Variants in COL21A1 observed in about 807,000 individuals in gnomAD.
COL21A1 encodes collagen type XXI alpha 1 chain, also known as collagen alpha-1(XXI) chain.
Under a neutral mutation model 137.9 loss-of-function variants are expected in COL21A1, and 149 were observed. That is an observed-to-expected ratio of 1.08 (90% CI 0.95 to 1.24). The LOEUF is 1.24. Among genes scored for constraint, COL21A1 ranks in the 50% most tolerant of loss-of-function variants. COL21A1 has a pLI of 0.00. For missense variants in COL21A1, 1,167 were observed against 1,158.4 expected, an observed-to-expected ratio of 1.01 and a Z score of -0.11; for synonymous variants, 456 against 391.5, an observed-to-expected ratio of 1.16 and a Z score of -1.95.
At chr6:56,263,779 G>C (rs1763336057) in intron 1 of COL21A1, among the ~76,000 whole-genome samples, 1 of 152,158 alleles carries the variant, frequency 6.6e-6, no homozygotes, top group Non-Finnish European at 1.5e-5. Context: ...TTTCTATCAA[G>C]AGAAATGGAA....
At chr6:56,391,347 C>G (rs1253672187) in intron 1 of COL21A1, among the ~76,000 whole-genome samples, 2 of 151,768 alleles carry the variant, frequency 1.3e-5, no homozygotes, top group Non-Finnish European at 2.9e-5. Flanking sequence ...ATCAAAAAAG[C>G]AGAAAAACTT....
chr6:56,228,810 A>G (rs1454850197), intron 1 of COL21A1, among the ~76,000 whole-genome samples: 1 of 151,840 alleles, frequency 6.6e-6, no homozygotes. Flanking sequence ...AATAAAACAA[A>G]TGACTAAAGT....
rs550610824 is a variant in COL21A1, at chr6:56,268,969, A to G, written c.-38-86313T>C. On this transcript the variant is annotated intron_variant, in intron 1 of 28. Transcript: ENST00000370819. ...CTGAAAAATTTACCACAAGAATTTC[A>G]TAATACAATTGGAAGTATTAACAGC... 9.1e-4 allele frequency among the ~76,000 whole-genome samples: 138 copies of G among 152,372 alleles called. 1 individual carries two copies. Among genetic ancestry groups the G allele is most frequent in the Non-Finnish European group, 1.4e-3 (92 of 68,040 alleles).
chr6:56,342,170 G>T (rs887743050), intron 1 of COL21A1, among the ~76,000 whole-genome samples: 1 of 152,134 alleles, frequency 6.6e-6, no homozygotes, highest in Non-Finnish European at 1.5e-5. Flanking sequence ...AAAAACTTCA[G>T]AAAAGGAATA....
chr6:56,113,455 AC>A (rs144139819), intron 16 of COL21A1, among the ~76,000 whole-genome samples: 10,917 of 152,088 alleles, frequency 0.072, 432 homozygotes, highest in Middle Eastern at 0.11. Flanking sequence ...TTCTAGACAC[AC>A]CCTGGGCCAG....
At chr6:56,135,816 C>T (rs1037290069) in intron 12 of COL21A1, among the ~76,000 whole-genome samples, 2 of 152,140 alleles carry the variant, frequency 1.3e-5, no homozygotes, top group African/African-American at 4.8e-5. Context: ...CAATTTTTAA[C>T]TTTCCTTTAA....
At chr6:56,357,142 G>C (rs1765852896) in intron 1 of COL21A1, among the ~76,000 whole-genome samples, 1 of 152,160 alleles carries the variant, frequency 6.6e-6, no homozygotes, top group Non-Finnish European at 1.5e-5. Flanking sequence ...TGCAAAGTCT[G>C]TTCTCTGTAT....
intron 7 of COL21A1, among the ~76,000 whole-genome samples, chr6:56,166,249 T>G (rs112324378): frequency 2.0e-5 from 3 of 152,116 alleles, no homozygotes; most frequent in African/African-American, 7.2e-5. Flanking sequence ...ATATTAAGTA[T>G]AATAATGTAT....
chr6:56,354,772 T>A (rs1765794892), intron 1 of COL21A1, among the ~76,000 whole-genome samples: 1 of 152,076 alleles, frequency 6.6e-6, no homozygotes, highest in South Asian at 2.1e-4. Flanking sequence ...GCGAGGAGGA[T>A]CTCTTGATCC....
At chr6:56,358,435 T>C (rs1199287885) in intron 1 of COL21A1, among the ~76,000 whole-genome samples, 1 of 152,218 alleles carries the variant, frequency 6.6e-6, no homozygotes. Context: ...ACGTCTGAAT[T>C]TGAATCTTCA....
intron 13 of COL21A1, 79 bp from the exon 14 acceptor site, chr6:56,125,699 CA>C (rs370992361): frequency 6.2e-5 from 59 of 949,984 alleles, no homozygotes; most frequent in Non-Finnish European, 8.2e-5. Context: ...AGATTATAAG[CA>C]AAAGAGTTTA....
In COL21A1 at chr6:56,171,221, C is replaced by T. The variant is rs1381358981; in HGVS notation, c.641-93G>A. The T allele has an allele frequency of 1.4e-5, 10 of 734,836 alleles. No individual in the cohort carries two copies. The Admixed American group carries it at 2.6e-4, about 19-fold the overall frequency. 45.5% of individuals were successfully genotyped at this position (734,836 alleles called of 1,614,324 possible). A position where few individuals can be genotyped will look rare whatever the true frequency, so the allele number is the denominator to read the frequency against. On this transcript the variant is annotated intron_variant, in intron 3 of 29. Transcript: ENST00000244728. ...GAGAAATACTAGACAATATAGTATTCTATCATTAGAATTATAAAATCTACA... is the reference window on the plus strand; with the variant it reads ...GAGAAATACTAGACAATATAGTATTTTATCATTAGAATTATAAAATCTACA...
intron 23 of COL21A1, among the ~76,000 whole-genome samples, chr6:56,065,608 A>G (rs907487699): frequency 1.3e-5 from 2 of 151,948 alleles, no homozygotes; most frequent in Non-Finnish European, 2.9e-5. Context: ...TTGAGGGGTG[A>G]GTAAGAGGTA....
intron 12 of COL21A1, among the ~76,000 whole-genome samples, chr6:56,139,526 G>A (rs143370036): frequency 1.1e-3 from 160 of 151,762 alleles, no homozygotes; most frequent in African/African-American, 3.6e-3. Context: ...CAAGTGTTTG[G>A]GCATGGTGTT....
intron 1 of COL21A1, among the ~76,000 whole-genome samples, chr6:56,348,984 T>C (rs1006693873): frequency 4.6e-5 from 7 of 152,194 alleles, no homozygotes; most frequent in African/African-American, 1.7e-4. Context: ...AACTGAGTGA[T>C]GAAGATGCTA....
Position 56,170,585 on chromosome 6 carries a change from A to T in COL21A1, c.1026+64T>A, listed in dbSNP as rs79837553. On this transcript the variant is annotated intron_variant, in intron 5 of 29. Coordinates refer to ENST00000244728, the MANE Select transcript of COL21A1 (RefSeq NM_030820.4). ...ATTATAGCCCTCTTTTCCCCAACAC[A>T]CATAAACCCAATAGTGCTTCCCCAT... 2,112 of 1,098,846 alleles carry T rather than the reference A, an allele frequency of 1.9e-3. 30 individuals carry two copies. The African/African-American group carries it at 0.031, about 16-fold the overall frequency. 68.1% of individuals were successfully genotyped at this position (1,098,846 alleles called of 1,614,324 possible). A position where few individuals can be genotyped will look rare whatever the true frequency, so the allele number is the denominator to read the frequency against.
chr6:56,101,720 A>G (rs1770475429), intron 16 of COL21A1, among the ~76,000 whole-genome samples, 195 bp from the exon 17 acceptor site: 1 of 151,954 alleles, frequency 6.6e-6, no homozygotes, highest in Non-Finnish European at 1.5e-5. Context: ...CTATATAAAC[A>G]ACAAAAATGT....
intron 1 of COL21A1, among the ~76,000 whole-genome samples, chr6:56,245,185 C>A (rs1782568560): frequency 6.6e-6 from 1 of 152,300 alleles, no homozygotes; most frequent in Non-Finnish European, 1.5e-5. Context: ...CACCATCTCA[C>A]TTTTAGATGC....
intron 10 of COL21A1, among the ~76,000 whole-genome samples, chr6:56,150,519 C>CAT (rs1775225680): frequency 8.9e-6 from 1 of 112,854 alleles, no homozygotes; most frequent in Non-Finnish European, 1.9e-5. Context: ...CTCCATCACA[C>CAT]ACACACACAC....
Sources: gnomAD v4.1 joint callset for allele counts (sites outside exome capture counted in the v4.1 genomes callset) on GRCh38, gnomAD v4.1.1 for gene constraint, MANE v1.5 for transcripts, NCBI Gene and HGNC (gene_info 2026-07-23, HGNC 2026-07-21) for gene names.